The following MMP7 variants were observed in gnomAD, a reference collection of about 807,000 sequenced individuals.
The protein encoded by MMP7 is matrilysin.
MMP7 carries 26 observed loss-of-function variants against 31.5 expected under a neutral mutation model. That is an observed-to-expected ratio of 0.83 (90% confidence interval 0.61 to 1.15). MMP7 has a LOEUF of 1.15. Among genes scored for constraint, MMP7 ranks in the 50% most tolerant of loss-of-function variants. The probability of loss-of-function intolerance (pLI) is 0.00; values close to 1 mark genes in which losing one functional copy is unlikely to be tolerated. For missense variants in MMP7, 367 were observed against 326.5 expected (o/e 1.12, Z -0.96); for synonymous variants, 142 against 124.2 (o/e 1.14, Z -0.95).
At chr11:102,527,174 A>G in intron 3 of MMP7, 1 of 280,744 alleles carries the variant, frequency 3.6e-6, no homozygotes. Context: ...TCAGATAACA[A>G]GTGTTTAAGC....
rs371801225 is a variant in MMP7 at position 102,525,407 on chromosome 11, A to G, written c.485-343T>C. ...CAGTGAGCTGAGATCGCGCCACTGC[A>G]CTCCAGCCTGGGTGACAACAGTGAA... On this transcript the variant is annotated intron_variant, in intron 3 of 5. Coordinates refer to ENST00000260227, the MANE Select transcript of MMP7 (RefSeq NM_002423.5). 2.6e-5 allele frequency among the ~76,000 whole-genome samples: 4 copies of G among 151,192 alleles called. No homozygotes were observed. In the South Asian group the frequency reaches 8.4e-4, roughly 32 times the overall value.
At position 102,523,257 on chromosome 11, in the gene MMP7, C is replaced by T; in HGVS notation, c.758G>A (p.Gly253Asp). 1.9e-6 allele frequency: 3 copies of T among 1,606,416 alleles called. No homozygotes were observed. Among genetic ancestry groups the T allele is most frequent in the South Asian group, 1.1e-5 (1 of 90,184 alleles). The change falls in exon 5 of 6, where the codon GGC becomes GAC. Residue 253 changes from glycine (G) to aspartate (D), a missense_variant. Physicochemically the swap from Gly to Asp is moderately conservative, Grantham distance 94. Coordinates refer to ENST00000260227, the MANE Select transcript of MMP7 (RefSeq NM_002423.5). ...NFKLSQDDIK[G>D]IQKLYGKRSN... ...AATATTACCATATAGTTTCTGAATGCCTTTAATATCATCCTGGGAAAGTTT... is the reference window on the plus strand; with the variant it reads ...AATATTACCATATAGTTTCTGAATGTCTTTAATATCATCCTGGGAAAGTTT...
At chr11:102,522,975 C>G (rs1269067977) in intron 5 of MMP7, among the ~76,000 whole-genome samples, 1 of 152,162 alleles carries the variant, frequency 6.6e-6, no homozygotes, top group African/African-American at 2.4e-5. Context: ...TGGGTGGCAG[C>G]TTGAAGAAAA....
Position 102,525,823 on chromosome 11 carries a change from T to C in MMP7, c.485-759A>G, listed in dbSNP as rs556998075. ...TTCTTCGTGGGCATAGTAAATAGTC[T>C]CTTAGAGAGCCATGCTCAAGATCTC... is the stretch of plus-strand genomic sequence containing the variant. On this transcript the variant is annotated intron_variant, in intron 3 of 5. Coordinates refer to ENST00000260227, the MANE Select transcript of MMP7 (RefSeq NM_002423.5). 8.5e-4 allele frequency among the ~76,000 whole-genome samples: 128 copies of C among 151,424 alleles called. 1 individual carries two copies. Among genetic ancestry groups the C allele is most frequent in the African/African-American group, 2.8e-3 (114 of 41,204 alleles).
chr11:102,530,662 A>C lies in MMP7; in HGVS notation c.39T>G (p.Pro13=), dbSNP rs769181052. ...LTVLCAVCLL[P]GSLALPLPQE... The stretch of plus-strand genomic sequence containing the variant: ...GAGGCAGCGGCAGGGCCAGGCTGCC[A>C]GGCAGCAGGCACACAGCACACAGCA... Residue 13 remains proline, a synonymous_variant, in exon 1 of 6, where the codon CCT becomes CCG. Transcript: ENST00000260227. 2 of 1,613,852 alleles carry C rather than the reference A, an allele frequency of 1.2e-6. No homozygotes were observed. Among genetic ancestry groups the C allele is most frequent in the Non-Finnish European group, 1.7e-6 (2 of 1,179,946 alleles).
In MMP7 at chr11:102,530,463, A is replaced by G. The variant is rs1591594357; in HGVS notation, c.108+130T>C. ...CTTGATGAAAACATATATTGCTTTT[A>G]TAATCCGAAGAACCACCCCAAAGAA... is the stretch of plus-strand genomic sequence containing the variant. On this transcript the variant is annotated intron_variant, in intron 1 of 5. Coordinates refer to ENST00000260227, the MANE Select transcript of MMP7 (RefSeq NM_002423.5). The G allele has an allele frequency of 5.4e-6, 4 of 736,164 alleles. No individual in the cohort carries two copies. In the South Asian group the frequency reaches 6.0e-5, roughly 11 times the overall value. The allele number at this position is 736,164 out of a possible 1,614,324, so 45.6% of individuals were successfully genotyped here.
At chr11:102,522,790 G>A (rs956921374) in intron 5 of MMP7, among the ~76,000 whole-genome samples, 6 of 152,178 alleles carry the variant, frequency 3.9e-5, no homozygotes, top group African/African-American at 2.4e-5. Flanking sequence ...GTTTCTGTCC[G>A]TGGTTAACCG....
chr11:102,526,061 A>G (rs2135904677), intron 3 of MMP7, among the ~76,000 whole-genome samples: 1 of 151,974 alleles, frequency 6.6e-6, no homozygotes, highest in East Asian at 1.9e-4. Flanking sequence ...GAACAGACTG[A>G]AATGGGCAAC....
intron 1 of MMP7, among the ~76,000 whole-genome samples, chr11:102,528,743 A>G (rs765768396): frequency 9.2e-5 from 14 of 152,216 alleles, no homozygotes; most frequent in Non-Finnish European, 1.5e-4. Context: ...GAATTTCTCT[A>G]AAGTTTCTCA....
Position 102,523,271 on chromosome 11 carries a change from C to T in MMP7, c.744G>A (p.Gln248=), listed in dbSNP as rs1242421223. The change falls in exon 5 of 6, where the codon CAG becomes CAA. Residue 248 remains glutamine, a synonymous_variant. Coordinates refer to ENST00000260227, the MANE Select transcript of MMP7 (RefSeq NM_002423.5). ...NGDPQNFKLS[Q]DDIKGIQKLY... ...GTTTCTGAATGCCTTTAATATCATC[C>T]TGGGAAAGTTTAAAATTTTGGGGAT... 1 of 1,609,920 alleles carries T rather than the reference C, an allele frequency of 6.2e-7. No individual in the cohort carries two copies. The highest frequency in any genetic ancestry group is 8.5e-7 in the Non-Finnish European group (1 of 1,177,314).
chr11:102,526,223 A>ATAT (rs200101403), intron 3 of MMP7, among the ~76,000 whole-genome samples: 3,445 of 119,298 alleles, frequency 0.029, 59 homozygotes, highest in Middle Eastern at 0.054. Flanking sequence ...GTAAAAAAAA[A>ATAT]AAATATATAT....
At chr11:102,526,662 G>T (rs114625259) in intron 3 of MMP7, among the ~76,000 whole-genome samples, 1 of 152,210 alleles carries the variant, frequency 6.6e-6, no homozygotes, top group Admixed American at 6.5e-5. Flanking sequence ...TGGAAGCTGC[G>T]ACTCTTTCTG....
At chr11:102,529,274 T>C (rs1858706245) in intron 1 of MMP7, among the ~76,000 whole-genome samples, 1 of 152,208 alleles carries the variant, frequency 6.6e-6, no homozygotes, top group African/African-American at 2.4e-5. Flanking sequence ...TTATTGTTCA[T>C]CCATGACAAT....
intron 5 of MMP7, 114 bp downstream of exon 5, chr11:102,523,126 G>A (rs1858631187): frequency 1.4e-6 from 1 of 722,404 alleles, no homozygotes; most frequent in African/African-American, 1.8e-5. Flanking sequence ...TAGGCTTTTT[G>A]ATATGAGTTC....
At position 102,521,401 on chromosome 11, in the gene MMP7, T is replaced by C. The variant is rs543024088; in HGVS notation, c.776-597A>G. The stretch of plus-strand genomic sequence containing the variant: ...TTAGTAGACATGGGGTTTTACCATG[T>C]TGTCCAGGTCTCGAGCTCCTGGCCT... On this transcript the variant is annotated intron_variant, in intron 5 of 5. Coordinates refer to ENST00000260227, the MANE Select transcript of MMP7 (RefSeq NM_002423.5). 2.0e-5 allele frequency among the ~76,000 whole-genome samples: 3 copies of C among 152,288 alleles called. 1 individual carries two copies. The South Asian group carries it at 6.2e-4, about 32-fold the overall frequency.
chr11:102,530,730 A>G lies in MMP7; in HGVS notation c.-30T>C. ...GCCGTCCAGAGACAATTGTTCTTGG[A>G]CCTATGGTTGATTTGGTGTTTTCTG... is the stretch of plus-strand genomic sequence containing the variant. On this transcript the variant is annotated 5_prime_UTR_variant, in exon 1 of 6. Transcript: ENST00000260227. 1.3e-6 allele frequency: 2 copies of G among 1,593,824 alleles called. No homozygotes were observed. The highest frequency in any genetic ancestry group is 1.7e-6 in the Non-Finnish European group (2 of 1,165,730).
chr11:102,523,937 T>C (rs1858640955), intron 4 of MMP7, among the ~76,000 whole-genome samples: 1 of 152,202 alleles, frequency 6.6e-6, no homozygotes, highest in African/African-American at 2.4e-5. Flanking sequence ...AAAGCGAAGA[T>C]TGAAAGGCAG....
intron 4 of MMP7, among the ~76,000 whole-genome samples, chr11:102,524,039 G>A (rs1858642063): frequency 6.6e-6 from 1 of 152,176 alleles, no homozygotes; most frequent in Non-Finnish European, 1.5e-5. Context: ...TCATTGAAAG[G>A]CTTTGCAAGT....
At chr11:102,526,212 C>A (rs1318258695) in intron 3 of MMP7, among the ~76,000 whole-genome samples, 2 of 51,358 alleles carry the variant, frequency 3.9e-5, no homozygotes, top group African/African-American at 8.4e-5. Context: ...GAAAAACCCA[C>A]GTAAAAAAAA....
Sources: gnomAD v4.1 joint callset for allele counts (sites outside exome capture counted in the v4.1 genomes callset) on GRCh38, gnomAD v4.1.1 for gene constraint, MANE v1.5 for transcripts, NCBI Gene and HGNC (gene_info 2026-07-23, HGNC 2026-07-21) for gene names.